CEP83: variants seen among roughly 807,000 people sequenced by gnomAD.
CEP83 encodes the protein centrosomal protein 83.
CEP83 carries 70 observed loss-of-function variants against 101.9 expected under a neutral mutation model. The observed-to-expected ratio is 0.69, with a 90% CI of 0.57 to 0.84. CEP83 has a LOEUF of 0.84. Among genes scored for constraint, CEP83 ranks in the 40% least tolerant of loss-of-function variants. CEP83 has a pLI of 0.00. For synonymous variants in CEP83, 264 were observed against 267.9 expected (o/e 0.99, Z 0.14); for missense variants, 715 against 787.2 (o/e 0.91, Z 1.10).
chr12:94,293,665 C>A, the CEP83 span, among the ~76,000 whole-genome samples: 1 of 152,202 alleles, frequency 6.6e-6, no homozygotes, highest in Non-Finnish European at 1.5e-5. Flanking sequence ...GTCGCCCAGG[C>A]TGGAGTAGAG....
chr12:94,401,656 C>T (rs1200490364), intron 5 of CEP83, among the ~76,000 whole-genome samples: 3 of 152,162 alleles, frequency 2.0e-5, no homozygotes, highest in Admixed American at 6.5e-5. Flanking sequence ...AAGCATGTCT[C>T]CTAAAATACC....
chr12:94,277,262 T>C, the CEP83 span: 1 of 152,278 alleles, frequency 6.6e-6, no homozygotes, highest in Non-Finnish European at 1.5e-5. Flanking sequence ...ATCCCATTTA[T>C]GAGGACTCTG....
intron 14 of CEP83, among the ~76,000 whole-genome samples, chr12:94,322,832 C>G (rs919210558): frequency 1.3e-5 from 2 of 152,188 alleles, no homozygotes; most frequent in Non-Finnish European, 2.9e-5. Context: ...CATCCCTCCC[C>G]CTGGGAACTC....
chr12:94,296,960 C>T, the CEP83 span, among the ~76,000 whole-genome samples: 54 of 152,262 alleles, frequency 3.5e-4, no homozygotes, highest in African/African-American at 1.3e-3. Flanking sequence ...GATCAGAGAT[C>T]ACTAGGGAAT....
At chr12:94,319,897 T>C (rs1315047845) in intron 14 of CEP83, among the ~76,000 whole-genome samples, 1 of 152,200 alleles carries the variant, frequency 6.6e-6, no homozygotes, top group African/African-American at 2.4e-5. Context: ...GTTCACGTCC[T>C]GAATATCTTT....
At chr12:94,419,016 G>GA (rs1299520691) in intron 2 of CEP83, among the ~76,000 whole-genome samples, 1 of 148,606 alleles carries the variant, frequency 6.7e-6, no homozygotes, top group Non-Finnish European at 1.5e-5. Flanking sequence ...TTGTATTGAA[G>GA]AACTAGAACA....
chr12:94,368,286 G>A, intron 9 of CEP83, 85 bp from the exon 10 acceptor site: 3 of 988,090 alleles, frequency 3.0e-6, no homozygotes, highest in South Asian at 1.7e-5. Flanking sequence ...TTCATAAGCT[G>A]GTAAGACAAA....
chr12:94,438,468 T>C (rs2066162369), intron 1 of CEP83, among the ~76,000 whole-genome samples: 1 of 152,128 alleles, frequency 6.6e-6, no homozygotes, highest in South Asian at 2.1e-4. Context: ...TATATAATGA[T>C]AAAAGGATTA....
rs1442457962 is a variant in CEP83, at chr12:94,308,766, T to C, written c.*47A>G. ...CACAGGTTAAAATGTCAAGTTTTACTGAGTCACCAACTTCACCTCTTTTGA... is the reference window on the plus strand; with the variant it reads ...CACAGGTTAAAATGTCAAGTTTTACCGAGTCACCAACTTCACCTCTTTTGA... On this transcript the variant is annotated 3_prime_UTR_variant, in exon 17 of 17. Coordinates refer to ENST00000397809, the MANE Select transcript of CEP83 (RefSeq NM_016122.3). 2.4e-5 allele frequency: 31 copies of C among 1,270,258 alleles called. No individual in the cohort carries two copies. The highest frequency in any genetic ancestry group is 3.4e-5 in the Non-Finnish European group (30 of 871,226). 78.7% of individuals were successfully genotyped at this position (1,270,258 alleles called of 1,614,324 possible).
the CEP83 span, among the ~76,000 whole-genome samples, chr12:94,292,438 G>A: frequency 6.6e-6 from 1 of 152,218 alleles, no homozygotes; most frequent in East Asian, 1.9e-4. Context: ...CAAAAGTTAA[G>A]CATGTCCCAC....
At chr12:94,302,317 C>T (rs1968549002), downstream of CEP83, among the ~76,000 whole-genome samples, 1 of 152,174 alleles carries the variant, frequency 6.6e-6, no homozygotes, top group Non-Finnish European at 1.5e-5. Flanking sequence ...GCTCATCTTT[C>T]CTGTCTCACA....
intron 11 of CEP83, 127 bp downstream of exon 11, chr12:94,367,667 T>C (rs1436652334): frequency 2.4e-5 from 12 of 505,880 alleles, no homozygotes; most frequent in Non-Finnish European, 4.0e-5. Flanking sequence ...TATGGTTACA[T>C]AGGTATTTGT....
At chr12:94,356,117 G>A (rs916972920) in intron 11 of CEP83, among the ~76,000 whole-genome samples, 8 of 152,146 alleles carry the variant, frequency 5.3e-5, no homozygotes, top group East Asian at 3.9e-4. Context: ...TCGAAGGGTC[G>A]CCAGAGCGAC....
At chr12:94,320,551 G>C (rs531192143) in intron 14 of CEP83, among the ~76,000 whole-genome samples, 1 of 151,924 alleles carries the variant, frequency 6.6e-6, no homozygotes. Context: ...TTCCTGTCAA[G>C]ATCTCTTGTG....
the CEP83 span, among the ~76,000 whole-genome samples, chr12:94,287,987 A>G: frequency 1.3e-5 from 2 of 152,290 alleles, no homozygotes; most frequent in South Asian, 4.1e-4. Flanking sequence ...TCCTTCACTG[A>G]TGCCTCAAGG....
At chr12:94,414,807 G>GA (rs1312384402) in intron 2 of CEP83, among the ~76,000 whole-genome samples, 4 of 152,044 alleles carry the variant, frequency 2.6e-5, no homozygotes, top group African/African-American at 9.7e-5. Context: ...TTATTCTGTG[G>GA]AAAAAATACA....
At chr12:94,367,362 A>G (rs1022640311) in intron 11 of CEP83, among the ~76,000 whole-genome samples, 2 of 152,178 alleles carry the variant, frequency 1.3e-5, no homozygotes, top group East Asian at 3.9e-4. Context: ...CTGAGGACAC[A>G]TGACTTTGAT....
intron 4 of CEP83, among the ~76,000 whole-genome samples, chr12:94,410,101 T>C (rs191632904): frequency 1.5e-3 from 228 of 152,294 alleles, no homozygotes; most frequent in African/African-American, 5.4e-3. Context: ...ACACAGACAG[T>C]GCAATATATG....
the CEP83 span, among the ~76,000 whole-genome samples, chr12:94,284,833 C>T: frequency 6.6e-6 from 1 of 152,094 alleles, no homozygotes; most frequent in Non-Finnish European, 1.5e-5. Context: ...GAGTCTTATC[C>T]CAAGAACAGT....
Sources: allele counts gnomAD v4.1 joint callset (sites outside exome capture counted in the v4.1 genomes callset), GRCh38; gene constraint gnomAD v4.1.1; transcripts MANE v1.5; gene names NCBI Gene and HGNC (gene_info 2026-07-23, HGNC 2026-07-21).